The following VPS8 variants were observed in gnomAD, a reference collection of about 807,000 sequenced individuals.
VPS8 encodes the protein VPS8 subunit of CORVET complex.
A neutral mutation model predicts 216.4 loss-of-function variants in VPS8; 129 were observed. That is an observed-to-expected ratio of 0.60 (90% CI 0.52 to 0.69). The LOEUF is 0.69. VPS8 is among the 30% of genes least tolerant of loss of function. The probability of loss-of-function intolerance (pLI) is 0.00; values close to 1 mark genes in which losing one functional copy is unlikely to be tolerated. For missense variants in VPS8, 1,531 were observed against 1,683.5 expected, an observed-to-expected ratio of 0.91 and a Z score of 1.59; for synonymous variants, 571 against 565.4, an observed-to-expected ratio of 1.01 and a Z score of -0.14.
At chr3:184,950,718 G>A (rs1400855326) in intron 36 of VPS8, among the ~76,000 whole-genome samples, 2 of 151,376 alleles carry the variant, frequency 1.3e-5, no homozygotes, top group Admixed American at 1.3e-4. Context: ...CCCTCCCCTC[G>A]CCTCCCACCC....
chr3:184,829,936 ATCT>A (rs1465144669), intron 3 of VPS8, among the ~76,000 whole-genome samples: 1 of 151,998 alleles, frequency 6.6e-6, no homozygotes, highest in Admixed American at 6.6e-5. Flanking sequence ...TACATATTTT[ATCT>A]TCTTTCTTTC....
intron 21 of VPS8, among the ~76,000 whole-genome samples, chr3:184,880,906 T>C (rs1314384886): frequency 6.6e-6 from 1 of 152,316 alleles, no homozygotes. Context: ...ATTTCCCTAA[T>C]GACTAATGAT....
chr3:184,834,116 G>C (rs981136734), intron 4 of VPS8, among the ~76,000 whole-genome samples: 2 of 152,172 alleles, frequency 1.3e-5, no homozygotes, highest in African/African-American at 4.8e-5. Flanking sequence ...GGTGGTCATA[G>C]GAGAAGCAGC....
At chr3:184,963,259 T>G (rs1746836030) in intron 37 of VPS8, among the ~76,000 whole-genome samples, 1 of 152,146 alleles carries the variant, frequency 6.6e-6, no homozygotes, top group Non-Finnish European at 1.5e-5. Flanking sequence ...TACATTGAAT[T>G]TATAGACTAA....
At chr3:184,844,568 A>G (rs1722773128) in intron 8 of VPS8, among the ~76,000 whole-genome samples, 1 of 152,174 alleles carries the variant, frequency 6.6e-6, no homozygotes. Flanking sequence ...GAAATAGAGG[A>G]TTGGGCTAAT....
At chr3:184,861,473 A>G (rs1726366116) in intron 15 of VPS8, among the ~76,000 whole-genome samples, 1 of 152,208 alleles carries the variant, frequency 6.6e-6, no homozygotes, top group South Asian at 2.1e-4. Flanking sequence ...GTTGTTTAGA[A>G]ATAATTCTTT....
chr3:184,867,027 G>C, intron 17 of VPS8, 77 bp downstream of exon 17: 1 of 1,372,930 alleles, frequency 7.3e-7, no homozygotes, highest in Non-Finnish European at 1.0e-6. Flanking sequence ...CTGGTAAAGA[G>C]GGCAGTATAT....
At chr3:184,920,456 CTA>C (rs1738415216) in intron 29 of VPS8, among the ~76,000 whole-genome samples, 1 of 152,148 alleles carries the variant, frequency 6.6e-6, no homozygotes, top group Non-Finnish European at 1.5e-5. Flanking sequence ...GTGATAATTG[CTA>C]TGTTAGTATG....
intron 46 of VPS8, among the ~76,000 whole-genome samples, chr3:185,028,634 A>G (rs988143949): frequency 8.5e-5 from 13 of 152,216 alleles, no homozygotes; most frequent in African/African-American, 2.9e-4. Context: ...AAGAGATTAA[A>G]TAGATTCAAA....
At chr3:184,870,004 A>T (rs546914798) in intron 20 of VPS8, among the ~76,000 whole-genome samples, 2 of 152,322 alleles carry the variant, frequency 1.3e-5, no homozygotes, top group South Asian at 4.1e-4. Flanking sequence ...TAAAGTACAT[A>T]GCCAAAAGAC....
At chr3:184,847,875 T>C (rs1723433231) in intron 8 of VPS8, among the ~76,000 whole-genome samples, 1 of 152,108 alleles carries the variant, frequency 6.6e-6, no homozygotes, top group African/African-American at 2.4e-5. Flanking sequence ...CTTAATCTAA[T>C]AGATATTTGA....
At chr3:184,940,136 TG>T in intron 35 of VPS8, 60 bp from the exon 36 acceptor site, 1 of 1,025,222 alleles carries the variant, frequency 9.8e-7, no homozygotes, top group Non-Finnish European at 1.4e-6. Flanking sequence ...TTCTTTACCA[TG>T]GAATATTTGA....
At chr3:184,899,532 G>T (rs1734102884) in intron 24 of VPS8, among the ~76,000 whole-genome samples, 1 of 152,084 alleles carries the variant, frequency 6.6e-6, no homozygotes. Context: ...TCTAAAGTTA[G>T]TCCCCCACCC....
chr3:184,974,746 TAA>T (rs1040440098), intron 40 of VPS8, among the ~76,000 whole-genome samples: 2 of 152,234 alleles, frequency 1.3e-5, no homozygotes, highest in African/African-American at 4.8e-5. Context: ...TTGTGAGATA[TAA>T]GAGTCTAGTT....
At chr3:185,051,566 G>C (rs1714251879) in intron 47 of VPS8, among the ~76,000 whole-genome samples, 1 of 152,130 alleles carries the variant, frequency 6.6e-6, no homozygotes. Context: ...AGCTGGAGGA[G>C]CCCTCAGCAC....
intron 3 of VPS8, among the ~76,000 whole-genome samples, chr3:184,827,084 G>A (rs541554542): frequency 6.6e-6 from 1 of 152,214 alleles, no homozygotes; most frequent in East Asian, 1.9e-4. Flanking sequence ...TTTCAAATCC[G>A]CAGTTATGTT....
chr3:184,901,049 T>G, intron 25 of VPS8, 77 bp downstream of exon 25: 9 of 1,243,068 alleles, frequency 7.2e-6, no homozygotes, highest in Non-Finnish European at 1.0e-5. Context: ...ATTGGCCAAT[T>G]ATATGTGTGC....
At chr3:184,915,150 C>A in intron 27 of VPS8, 97 bp downstream of exon 27, 1 of 1,417,672 alleles carries the variant, frequency 7.1e-7, no homozygotes. Flanking sequence ...GGGTCAGGAG[C>A]TATCACCTGT....
chr3:185,011,308 C>T (rs772063484), intron 45 of VPS8, among the ~76,000 whole-genome samples: 15 of 152,174 alleles, frequency 9.9e-5, no homozygotes, highest in Non-Finnish European at 1.8e-4. Context: ...GCAAACTAGA[C>T]GAGCTCTACA....
Sources: gnomAD v4.1 joint callset for allele counts (sites outside exome capture counted in the v4.1 genomes callset) on GRCh38, gnomAD v4.1.1 for gene constraint, MANE v1.5 for transcripts, NCBI Gene and HGNC (gene_info 2026-07-23, HGNC 2026-07-21) for gene names.